Variants in SLC49A4 observed in about 807,000 individuals in gnomAD.
SLC49A4 encodes the protein disrupted in renal cancer protein 2.
Under a neutral mutation model 50.6 loss-of-function variants are expected in SLC49A4, and 36 were observed. That is an observed-to-expected ratio of 0.71 (90% CI 0.55 to 0.94). The LOEUF (loss-of-function observed/expected upper bound fraction) is 0.94, where lower values mean the gene tolerates loss of function less well. Among genes scored for constraint, SLC49A4 ranks in the 40% least tolerant of loss-of-function variants. The pLI, the probability that SLC49A4 is intolerant of heterozygous loss-of-function variation, is 0.00. For missense variants in SLC49A4, 503 were observed against 605.7 expected (o/e 0.83, Z 1.78); for synonymous variants, 248 against 241.2 (o/e 1.03, Z -0.26).
chr3:122,860,745 A>G (rs968814578), intron 7 of SLC49A4, among the ~76,000 whole-genome samples: 2 of 152,210 alleles, frequency 1.3e-5, no homozygotes, highest in Admixed American at 6.5e-5. Context: ...TTTTCTTGTC[A>G]TTATTAATAT....
intron 2 of SLC49A4, among the ~76,000 whole-genome samples, chr3:122,820,693 C>A (rs1480362803): frequency 6.6e-6 from 1 of 152,202 alleles, no homozygotes; most frequent in African/African-American, 2.4e-5. Flanking sequence ...CCCACGCACC[C>A]CTGCAGGCAT....
intron 8 of SLC49A4, among the ~76,000 whole-genome samples, chr3:122,877,983 A>G (rs1467987669): frequency 6.6e-6 from 1 of 152,200 alleles, no homozygotes; most frequent in Non-Finnish European, 1.5e-5. Flanking sequence ...CTTTTAAAAC[A>G]TAGTAATAGA....
chr3:122,824,374 A>C (rs1383607185), intron 2 of SLC49A4, among the ~76,000 whole-genome samples: 1 of 152,196 alleles, frequency 6.6e-6, no homozygotes, highest in Non-Finnish European at 1.5e-5. Flanking sequence ...CTAAGAGTCA[A>C]GTAAACTGGA....
At chr3:122,845,708 G>A (rs2107573962) in intron 4 of SLC49A4, 55 bp from the exon 5 acceptor site, 1 of 925,788 alleles carries the variant, frequency 1.1e-6, no homozygotes, top group East Asian at 4.6e-5. Flanking sequence ...TCATGACTAA[G>A]TTTATTCTAG....
chr3:122,807,794 G>A (rs1936243920), intron 2 of SLC49A4, among the ~76,000 whole-genome samples: 1 of 152,128 alleles, frequency 6.6e-6, no homozygotes, highest in African/African-American at 2.4e-5. Flanking sequence ...ATAAAAAGAT[G>A]AGGTTAGAAG....
At chr3:122,832,828 T>A (rs1474373387) in intron 3 of SLC49A4, among the ~76,000 whole-genome samples, 1 of 152,186 alleles carries the variant, frequency 6.6e-6, no homozygotes, top group Non-Finnish European at 1.5e-5. Flanking sequence ...ATATATTCAA[T>A]TTTGTTTTTA....
intron 6 of SLC49A4, among the ~76,000 whole-genome samples, chr3:122,859,505 T>G (rs867566127): frequency 5.9e-5 from 9 of 152,120 alleles, no homozygotes; most frequent in Non-Finnish European, 8.8e-5. Context: ...CATTATAGAA[T>G]GTTTGGAAAG....
intron 1 of SLC49A4, among the ~76,000 whole-genome samples, chr3:122,806,510 C>T (rs139976543): frequency 3.3e-5 from 5 of 151,958 alleles, no homozygotes; most frequent in Admixed American, 1.3e-4. Context: ...CCCGAGTAGC[C>T]GGGATTACAG....
At chr3:122,806,760 A>T in intron 1 of SLC49A4, 97 bp from the exon 2 acceptor site, 1 of 734,876 alleles carries the variant, frequency 1.4e-6, no homozygotes, top group Non-Finnish European at 2.4e-6. Flanking sequence ...TAATATTAGC[A>T]TATAATGTCA....
chr3:122,870,000 G>A lies in SLC49A4; in HGVS notation c.1139-2415G>A, dbSNP rs565812809. Among the ~76,000 whole-genome samples the A allele has an allele frequency of 1.7e-4, 3 of 18,028 alleles. No individual in the cohort carries two copies. The East Asian group carries it at 0.015, about 88-fold the overall frequency. 11.8% of individuals were successfully genotyped at this position (18,028 alleles called of 152,430 possible). On this transcript the variant is annotated intron_variant, in intron 7 of 8. Transcript: ENST00000261038. ...ACTCTATATTGATAGTTCCCTTTCA[G>A]TGTGTTATTATATTTTCATTATTTT...
At chr3:122,856,962 A>G (rs1230648129) in intron 6 of SLC49A4, among the ~76,000 whole-genome samples, 1 of 151,934 alleles carries the variant, frequency 6.6e-6, no homozygotes, top group Non-Finnish European at 1.5e-5. Flanking sequence ...TTTCCATATT[A>G]TTGGAGAACA....
rs192495195 is a variant in SLC49A4 at position 122,833,242 on chromosome 3, A to G, written c.704-75A>G. 1,440 of 1,485,052 alleles carry G rather than the reference A, an allele frequency of 9.7e-4. 2 individuals are homozygous for G. The highest frequency in any genetic ancestry group is 1.2e-3 in the Non-Finnish European group (1,313 of 1,085,722). The allele number at this position is 1,485,052 out of a possible 1,614,324, so 92.0% of individuals were successfully genotyped here. A position where few individuals can be genotyped will look rare whatever the true frequency, so the allele number is the denominator to read the frequency against. The stretch of plus-strand genomic sequence containing the variant: ...GGTGACGGAGTGAGACCCTGTTTCA[A>G]AAAACAAATAAATACTTGAAGTCTT... On this transcript the variant is annotated intron_variant, in intron 3 of 8. Transcript: ENST00000261038.
chr3:122,843,417 T>A (rs1378179383), intron 4 of SLC49A4, among the ~76,000 whole-genome samples: 3 of 152,224 alleles, frequency 2.0e-5, no homozygotes, highest in African/African-American at 7.2e-5. Context: ...CCAGAAATAT[T>A]TCAATATGTG....
intron 1 of SLC49A4, 78 bp downstream of exon 1, chr3:122,795,613 C>A (rs565803415): frequency 1.3e-6 from 2 of 1,503,636 alleles, no homozygotes; most frequent in Non-Finnish European, 1.8e-6. Context: ...GGCCTGCCAG[C>A]CGCCTCCCTT....
intron 8 of SLC49A4, among the ~76,000 whole-genome samples, chr3:122,873,528 C>T (rs955174560): frequency 2.6e-5 from 4 of 152,172 alleles, no homozygotes; most frequent in Non-Finnish European, 1.5e-5. Context: ...GGGTTTTGGA[C>T]AACTTCTGGC....
intron 2 of SLC49A4, among the ~76,000 whole-genome samples, chr3:122,822,626 C>T (rs1333293310): frequency 6.6e-6 from 1 of 152,122 alleles, no homozygotes; most frequent in Admixed American, 6.5e-5. Context: ...TGTTGTTGAC[C>T]ACTTGCTCTT....
intron 5 of SLC49A4, among the ~76,000 whole-genome samples, chr3:122,847,888 A>G (rs990988493): frequency 2.6e-5 from 4 of 152,244 alleles, no homozygotes; most frequent in Non-Finnish European, 4.4e-5. Flanking sequence ...TATCTTGTAC[A>G]ACTGTGTCAT....
chr3:122,809,633 A>G (rs1471457206), intron 2 of SLC49A4, among the ~76,000 whole-genome samples: 1 of 152,184 alleles, frequency 6.6e-6, no homozygotes, highest in African/African-American at 2.4e-5. Context: ...CTCCAGTCTC[A>G]TATCCCTTTA....
At chr3:122,820,692 C>T (rs1007208023) in intron 2 of SLC49A4, among the ~76,000 whole-genome samples, 3 of 152,204 alleles carry the variant, frequency 2.0e-5, no homozygotes, top group Non-Finnish European at 4.4e-5. Context: ...TCCCACGCAC[C>T]CCTGCAGGCA....
Sources: allele counts gnomAD v4.1 joint callset (sites outside exome capture counted in the v4.1 genomes callset), GRCh38; gene constraint gnomAD v4.1.1; transcripts MANE v1.5; gene names NCBI Gene and HGNC (gene_info 2026-07-23, HGNC 2026-07-21).